DDX60L: variants seen among roughly 807,000 people sequenced by gnomAD.
The protein encoded by DDX60L is DExD/H-box 60 like.
DDX60L carries 191 observed loss-of-function variants against 211.6 expected under a neutral mutation model. That is an observed-to-expected ratio of 0.90 (90% confidence interval 0.80 to 1.02). The LOEUF (loss-of-function observed/expected upper bound fraction) is 1.02. DDX60L is among the 50% of genes least tolerant of loss of function. The probability of loss-of-function intolerance (pLI) is 0.00; values close to 1 mark genes in which losing one functional copy is unlikely to be tolerated. For synonymous variants in DDX60L, 706 were observed against 694.1 expected, an observed-to-expected ratio of 1.02 and a Z score of -0.27; for missense variants, 2,007 against 1,984.1, an observed-to-expected ratio of 1.01 and a Z score of -0.22.
intron 22 of DDX60L, among the ~76,000 whole-genome samples, chr4:168,409,893 A>G (rs957653190): frequency 5.9e-5 from 9 of 152,248 alleles, no homozygotes; most frequent in African/African-American, 1.9e-4. Flanking sequence ...CCTCATCTGT[A>G]AGTTGGGAAT....
intron 18 of DDX60L, 30 bp downstream of exon 18, chr4:168,420,231 A>T: frequency 6.6e-7 from 1 of 1,508,016 alleles, no homozygotes; most frequent in African/African-American, 1.4e-5. Flanking sequence ...CTATAATTTG[A>T]TAATAAACTC....
Position 168,394,595 on chromosome 4 carries a change from C to A in DDX60L, c.3680G>T (p.Arg1227Leu), listed in dbSNP as rs761718564. The A allele has an allele frequency of 6.2e-7, 1 of 1,610,272 alleles. No individual in the cohort carries two copies. The highest frequency in any genetic ancestry group is 1.1e-5 in the South Asian group (1 of 89,870). The change falls in exon 28 of 38, where the codon CGA (arginine) becomes CTA (leucine). Residue 1227 changes from arginine to leucine, a missense_variant. Physicochemically the swap from Arg to Leu is moderately radical, Grantham distance 102. Transcript: ENST00000682922. ...TTTGCCGTGTCTTGTAAATCGCACT[C>A]GCGGTAATACCCTCTCCAAAGTCTA... Reference protein sequence around the residue: ...KDSTLERVLPRVRFTRHGKEL... With the variant: ...KDSTLERVLPLVRFTRHGKEL...
intron 13 of DDX60L, among the ~76,000 whole-genome samples, chr4:168,430,100 G>A (rs1345415992): frequency 6.6e-6 from 1 of 152,178 alleles, no homozygotes; most frequent in East Asian, 1.9e-4. Flanking sequence ...TTGGGAGGCT[G>A]AGGAAGAAGA....
intron 7 of DDX60L, among the ~76,000 whole-genome samples, chr4:168,454,695 A>C (rs971137575): frequency 4.0e-5 from 6 of 150,680 alleles, no homozygotes; most frequent in Admixed American, 2.7e-4. Flanking sequence ...GAAGAAGCAT[A>C]AAATGCTCAC....
At chr4:168,393,934 C>T (rs1382488430) in intron 28 of DDX60L, among the ~76,000 whole-genome samples, 1 of 152,148 alleles carries the variant, frequency 6.6e-6, no homozygotes, top group Non-Finnish European at 1.5e-5. Flanking sequence ...GTGGCTCACG[C>T]CTGTAATCCC....
At chr4:168,389,002 T>C (rs188483003) in intron 29 of DDX60L, among the ~76,000 whole-genome samples, 11 of 152,254 alleles carry the variant, frequency 7.2e-5, no homozygotes, top group African/African-American at 1.9e-4. Flanking sequence ...GTGTTTTTGC[T>C]TATGGGAAAG....
intron 19 of DDX60L, among the ~76,000 whole-genome samples, chr4:168,417,768 A>C (rs1749813544): frequency 6.6e-6 from 1 of 152,230 alleles, no homozygotes; most frequent in African/African-American, 2.4e-5. Context: ...TGGTTCAATA[A>C]TGCAAATTAA....
chr4:168,472,349 G>T, intron 3 of DDX60L, 106 bp downstream of exon 3: 1 of 838,110 alleles, frequency 1.2e-6, no homozygotes, highest in Non-Finnish European at 1.9e-6. Flanking sequence ...GCTGCTCCAA[G>T]ATAAATAGGT....
At chr4:168,479,856 T>C (rs995066006) in intron 1 of DDX60L, among the ~76,000 whole-genome samples, 19 of 150,572 alleles carry the variant, frequency 1.3e-4, no homozygotes, top group African/African-American at 4.4e-4. Context: ...TGGTGGCGGG[T>C]GCCTGTAGTC....
chr4:168,473,052 G>GC (rs752595506), intron 1 of DDX60L, among the ~76,000 whole-genome samples: 1 of 152,010 alleles, frequency 6.6e-6, no homozygotes, highest in African/African-American at 2.4e-5. Flanking sequence ...TAGTTAATTT[G>GC]CCCCCCAAAA....
chr4:168,433,047 C>A lies in DDX60L; in HGVS notation c.1363G>T (p.Val455Phe). 6.2e-7 allele frequency: 1 copy of A among 1,609,736 alleles called. No homozygotes were observed. The highest frequency in any genetic ancestry group is 8.5e-7 in the Non-Finnish European group (1 of 1,177,732). Residue 455 changes from valine to phenylalanine, a missense_variant, in exon 11 of 38, where the codon GTT (valine) becomes TTT (phenylalanine). By Grantham distance (50) the Val-to-Phe change is conservative (BLOSUM62 -1). Coordinates refer to ENST00000682922, the MANE Select transcript of DDX60L (RefSeq NM_001012967.3). ...GGCAAATCCTTCATCATATCTCCAA[C>A]AAACTCATCAATTACAGCAGATGTC... ...PMTSAVIDEF[V>F]GDMMKDLPIL...
At chr4:168,462,774 C>T (rs1349973406) in intron 4 of DDX60L, among the ~76,000 whole-genome samples, 1 of 151,888 alleles carries the variant, frequency 6.6e-6, no homozygotes, top group Non-Finnish European at 1.5e-5. Context: ...GATCATGCCA[C>T]TGCACGCCAG....
rs759931111 is a variant in DDX60L, at chr4:168,373,765, G to A, written c.4677C>T (p.His1559=). The A allele has an allele frequency of 1.4e-5, 22 of 1,613,934 alleles. No individual in the cohort carries two copies. Among genetic ancestry groups the A allele is most frequent in the Admixed American group, 3.3e-5 (2 of 59,992 alleles). ...CTCTTCCTTTCTTGCAGCTCATCAA[G>A]TGAGACACGAGTTGGGAGTCTTCAC... The part of the protein sequence containing the change: ...KECEDSQLVS[H]LMSCKKGRVA... The change falls in exon 35 of 38, where the codon CAC becomes CAT. Residue 1559 remains histidine (H), a synonymous_variant. Coordinates refer to ENST00000682922, the MANE Select transcript of DDX60L (RefSeq NM_001012967.3).
At chr4:168,395,683 T>C (rs1283597027) in intron 27 of DDX60L, 7 of 271,960 alleles carry the variant, frequency 2.6e-5, no homozygotes, top group East Asian at 8.1e-5. Flanking sequence ...ATATATCATA[T>C]TGAATTGAAT....
chr4:168,433,933 C>G (rs1408265713), intron 10 of DDX60L, among the ~76,000 whole-genome samples: 4 of 152,180 alleles, frequency 2.6e-5, no homozygotes, highest in Non-Finnish European at 5.9e-5. Flanking sequence ...CCCCAACAAC[C>G]ATTATTTTGT....
chr4:168,417,404 C>A (rs1031683050), intron 19 of DDX60L, among the ~76,000 whole-genome samples: 1 of 152,154 alleles, frequency 6.6e-6, no homozygotes, highest in East Asian at 1.9e-4. Flanking sequence ...TTCACATATA[C>A]GACCCTGCTA....
chr4:168,390,074 AC>A, intron 29 of DDX60L: 1 of 945,374 alleles, frequency 1.1e-6, no homozygotes, highest in East Asian at 1.2e-4. Flanking sequence ...CTGCCACCTG[AC>A]CCTCGAGAAA....
intron 9 of DDX60L, among the ~76,000 whole-genome samples, chr4:168,446,611 C>T (rs1239098578): frequency 2.0e-5 from 3 of 151,984 alleles, no homozygotes; most frequent in East Asian, 3.9e-4. Flanking sequence ...GGAGGCATCA[C>T]ACTACCTGAC....
chr4:168,430,514 C>CT lies in DDX60L; in HGVS notation c.1640dup (p.Glu548GlyfsTer9). The CT allele has an allele frequency of 6.2e-7, 1 of 1,609,032 alleles. No homozygotes were observed. ...CACCACTGGCACCACTGGAATCCTC[C>CT]TTTGGCCGAGTAGTTTGAGTCACAA... On this transcript the variant is annotated frameshift_variant, in exon 13 of 38. Coordinates refer to ENST00000682922, the MANE Select transcript of DDX60L (RefSeq NM_001012967.3). LOFTEE classifies it high-confidence loss of function.
Sources: allele counts gnomAD v4.1 joint callset (sites outside exome capture counted in the v4.1 genomes callset), GRCh38; gene constraint gnomAD v4.1.1; transcripts MANE v1.5; gene names NCBI Gene and HGNC (gene_info 2026-07-23, HGNC 2026-07-21).